Variants in RSRP1 observed in about 807,000 individuals in gnomAD.
The protein encoded by RSRP1 is arginine/serine-rich protein 1.
Under a neutral mutation model 33.0 loss-of-function variants are expected in RSRP1, and 37 were observed. The ratio of observed to expected loss-of-function variants is 1.12; its 90% CI spans 0.86 to 1.48. The LOEUF (loss-of-function observed/expected upper bound fraction) is 1.48. Among genes scored for constraint, RSRP1 ranks in the 40% most tolerant of loss-of-function variants. The pLI, the probability that RSRP1 is intolerant of heterozygous loss-of-function variation, is 0.00. For synonymous variants in RSRP1, 167 were observed against 158.7 expected (o/e 1.05, Z -0.40); for missense variants, 402 against 385.3 (o/e 1.04, Z -0.36).
At position 25,246,565 on chromosome 1, in the gene RSRP1, G is replaced by A. The variant is rs530185375; in HGVS notation, c.399C>T (p.Ile133=). 3 of 1,614,212 alleles carry A rather than the reference G, an allele frequency of 1.9e-6. No individual in the cohort carries two copies. The highest frequency in any genetic ancestry group is 2.7e-5 in the African/African-American group (2 of 75,072). Residue 133 remains isoleucine, a synonymous_variant, in exon 2 of 5, where the codon ATC becomes ATT. Coordinates refer to ENST00000243189, the MANE Select transcript of RSRP1 (RefSeq NM_020317.5). Reference sequence around the variant, plus strand: ...AGCCGTAGTAGCGCTGTCCCCGCGCGATCGCGTACGCCCTTCCGCAGTACG... The same window carrying A: ...AGCCGTAGTAGCGCTGTCCCCGCGCAATCGCGTACGCCCTTCCGCAGTACG... The part of the protein sequence containing the change: ...GRSYCGRAYA[I]ARGQRYYGFG...
intron 1 of RSRP1, among the ~76,000 whole-genome samples, chr1:25,312,947 A>AAAAAAAAAAAAAAAAAAAAC (rs1644238926): frequency 9.1e-6 from 1 of 110,162 alleles, no homozygotes; most frequent in Admixed American, 9.2e-5. Flanking sequence ...AAAAAAAAAA[A>AAAAAAAAAAAAAAAAAAAAC]AAAAAAAACT....
At chr1:25,255,233 A>G (rs868425688) in intron 1 of RSRP1, among the ~76,000 whole-genome samples, 2 of 152,210 alleles carry the variant, frequency 1.3e-5, no homozygotes, top group South Asian at 2.1e-4. Flanking sequence ...TACTGATGCT[A>G]TAAGAGGCTT....
intron 1 of RSRP1, among the ~76,000 whole-genome samples, chr1:25,276,510 T>C (rs1452261689): frequency 4.5e-5 from 1 of 22,028 alleles, no homozygotes; most frequent in Non-Finnish European, 2.0e-4. Flanking sequence ...CTAGGAAACA[T>C]AGGGAGACCC....
intron 1 of RSRP1, chr1:25,266,941 G>A (rs1640329240): frequency 8.1e-6 from 1 of 123,238 alleles, no homozygotes; most frequent in Non-Finnish European, 1.8e-5. Flanking sequence ...GCAGGATCGC[G>A]AGCGCCTCCG....
At chr1:25,268,408 A>C (rs529840333) in intron 1 of RSRP1, among the ~76,000 whole-genome samples, 1 of 131,282 alleles carries the variant, frequency 7.6e-6, no homozygotes, top group East Asian at 2.0e-4. Context: ...AGTCCCAGCT[A>C]CTTGGGAGGC....
At chr1:25,281,552 C>T (rs114285997) in intron 1 of RSRP1, among the ~76,000 whole-genome samples, 1,322 of 131,964 alleles carry the variant, frequency 0.01, 185 homozygotes, top group African/African-American at 0.033. Context: ...TCACTGCTCC[C>T]GCATGTGCAC....
chr1:25,298,301 C>A (rs894305265), intron 1 of RSRP1, among the ~76,000 whole-genome samples: 6 of 121,198 alleles, frequency 5.0e-5, no homozygotes, highest in African/African-American at 1.6e-4. Flanking sequence ...TTGTTGCAGT[C>A]TTCATAACGA....
At chr1:25,293,885 T>C (rs1303700517) in intron 1 of RSRP1, among the ~76,000 whole-genome samples, 1 of 132,186 alleles carries the variant, frequency 7.6e-6, no homozygotes, top group Non-Finnish European at 1.8e-5. Context: ...AGGCAAAAGC[T>C]GATATATCAT....
chr1:25,267,446 C>T (rs1010350675), intron 1 of RSRP1, among the ~76,000 whole-genome samples: 1 of 127,282 alleles, frequency 7.9e-6, no homozygotes, highest in Non-Finnish European at 1.8e-5. Flanking sequence ...AAAGAAAAGC[C>T]AAGTCCCATA....
At chr1:25,297,890 T>G (rs1484118374) in intron 1 of RSRP1, among the ~76,000 whole-genome samples, 1 of 131,544 alleles carries the variant, frequency 7.6e-6, no homozygotes, top group Non-Finnish European at 1.8e-5. Flanking sequence ...GCTGCCAGAC[T>G]CAGGAGGGCA....
rs1641551733 is a variant in RSRP1 at position 25,282,269 on chromosome 1, G to A, written c.-66-35240C>T. On this transcript the variant is annotated intron_variant, in intron 1 of 1. Transcript: ENST00000561867. ...ATTTATTTTGAGACAGAGTCTCACT[G>A]TGTCGCCCAGGCTGGAGTGCAGTGG... is the stretch of plus-strand genomic sequence containing the variant. Among the ~76,000 whole-genome samples the A allele has an allele frequency of 1.5e-5, 2 of 131,356 alleles. 1 individual carries two copies. 86.2% of individuals were successfully genotyped at this position (131,356 alleles called of 152,430 possible).
chr1:25,271,371 T>C (rs1640504877), intron 1 of RSRP1, among the ~76,000 whole-genome samples: 1 of 130,970 alleles, frequency 7.6e-6, no homozygotes, highest in African/African-American at 2.6e-5. Flanking sequence ...CACTACCTCA[T>C]GAGTATTTCA....
rs577017339 is a variant in RSRP1, at chr1:25,301,212, C to G, written c.-67+36766G>C. On this transcript the variant is annotated intron_variant, in intron 1 of 1. Transcript: ENST00000561867. ...GTTCCCCTGGGTGTCTGAAGCCCTTCCATCATGATTCATTTCTTTGAGTAG... is the reference window on the plus strand; with the variant it reads ...GTTCCCCTGGGTGTCTGAAGCCCTTGCATCATGATTCATTTCTTTGAGTAG... The G allele has an allele frequency of 5.3e-5, 52 of 989,044 alleles. 11 individuals are homozygous for G. In the South Asian group the frequency reaches 6.7e-4, roughly 13 times the overall value. The allele number at this position is 989,044 out of a possible 1,614,324, so 61.3% of individuals were successfully genotyped here.
chr1:25,265,526 G>C (rs545230395), intron 1 of RSRP1, among the ~76,000 whole-genome samples: 1,515 of 97,112 alleles, frequency 0.016, 170 homozygotes, highest in African/African-American at 0.049. Flanking sequence ...AGAATGCAGT[G>C]GCACAATCTT....
chr1:25,271,429 C>A lies in RSRP1; in HGVS notation c.-66-24400G>T, dbSNP rs377402732. On this transcript the variant is annotated intron_variant, in intron 1 of 1. Coordinates refer to the RSRP1 transcript ENST00000561867. ...AAAGTATCCACTTTCCACCTCCCTGCAGCTCCTGGCCCTGGCTTTATTCTC... is the reference window on the plus strand; with the variant it reads ...AAAGTATCCACTTTCCACCTCCCTGAAGCTCCTGGCCCTGGCTTTATTCTC... Among the ~76,000 whole-genome samples, 2 of 130,412 alleles carry A rather than the reference C, an allele frequency of 1.5e-5. 1 individual carries two copies. The highest frequency in any genetic ancestry group is 3.6e-5 in the Non-Finnish European group (2 of 55,936). The allele number at this position is 130,412 out of a possible 152,430, so 85.6% of individuals were successfully genotyped here. A position where few individuals can be genotyped will look rare whatever the true frequency, so the allele number is the denominator to read the frequency against.
At chr1:25,286,570 AG>A (rs1642016460) in intron 1 of RSRP1, among the ~76,000 whole-genome samples, 2 of 133,630 alleles carry the variant, frequency 1.5e-5, no homozygotes, top group Non-Finnish European at 3.5e-5. Flanking sequence ...GGGGATCATG[AG>A]GTCAGGAGAT....
upstream of RSRP1, among the ~76,000 whole-genome samples, chr1:25,250,189 C>A (rs1406358949): frequency 1.3e-5 from 2 of 152,124 alleles, no homozygotes; most frequent in Non-Finnish European, 2.9e-5. Flanking sequence ...GTTCCAGGTA[C>A]AGGGGCTTAA....
At chr1:25,257,602 T>C in intron 1 of RSRP1, among the ~76,000 whole-genome samples, 1 of 150,286 alleles carries the variant, frequency 6.7e-6, no homozygotes, top group African/African-American at 2.5e-5. Context: ...TGCAGATTTT[T>C]TTTTTTTTTT....
chr1:25,245,128 C>T (rs375192471), intron 3 of RSRP1, 22 bp downstream of exon 3: 2 of 1,613,944 alleles, frequency 1.2e-6, no homozygotes, highest in East Asian at 2.2e-5. Context: ...AAGTTTTGTT[C>T]CGACAAACCT....
Sources: gnomAD v4.1 joint callset for allele counts (sites outside exome capture counted in the v4.1 genomes callset) on GRCh38, gnomAD v4.1.1 for gene constraint, MANE v1.5 for transcripts, NCBI Gene and HGNC (gene_info 2026-07-23, HGNC 2026-07-21) for gene names.